The following KRT76 variants were observed in gnomAD, a reference collection of about 807,000 sequenced individuals.
KRT76 encodes keratin, type II cytoskeletal 2 oral.
In KRT76, 47 loss-of-function variants were observed where a neutral mutation model predicts 44.9. That is an observed-to-expected ratio of 1.05 (90% CI 0.83 to 1.33). KRT76 has a LOEUF of 1.33. KRT76 is among the 40% of genes most tolerant of loss of function. The pLI is 0.00. For missense variants in KRT76, 860 were observed against 775.8 expected, an observed-to-expected ratio of 1.11 and a Z score of -1.29; for synonymous variants, 331 against 294.1, an observed-to-expected ratio of 1.13 and a Z score of -1.28.
Position 52,775,453 on chromosome 12 carries a change from C to G in KRT76, c.750G>C (p.Gly250=), listed in dbSNP as rs746062719. The change falls in exon 2 of 9, where the codon GGG becomes GGC. Residue 250 remains glycine (G), a synonymous_variant. Transcript: ENST00000332411. The part of the protein sequence containing the change: ...FLCKQLDSLL[G]ERGNLEGELK... ...GCTCTCCCTCCAGGTTCCCCCTCTCCCCTAGAAGTGAATCTAGCTGCTTGC... is the reference window on the plus strand; with the variant it reads ...GCTCTCCCTCCAGGTTCCCCCTCTCGCCTAGAAGTGAATCTAGCTGCTTGC... 6.2e-7 allele frequency: 1 copy of G among 1,614,198 alleles called. No homozygotes were observed. The highest frequency in any genetic ancestry group is 8.5e-7 in the Non-Finnish European group (1 of 1,180,028).
In KRT76 at chr12:52,771,004, C is replaced by G; in HGVS notation, c.1479G>C (p.Glu493Asp). 1 of 1,614,152 alleles carries G rather than the reference C, an allele frequency of 6.2e-7. No homozygotes were observed. The highest frequency in any genetic ancestry group is 1.1e-5 in the South Asian group (1 of 91,066). The change falls in exon 7 of 9, where the codon GAG becomes GAC. Residue 493 changes from glutamate to aspartate, a missense_variant. Coordinates refer to ENST00000332411, the MANE Select transcript of KRT76 (RefSeq NM_015848.4). ...GTGATCCCATGGCCCCTCACCTGCA[C>G]TCCTCTCCCTCCAGCAGCTTGCGGT... is the stretch of plus-strand genomic sequence containing the variant. The part of the protein sequence containing the change: ...ATYRKLLEGE[E>D]CRMSGECQSA...
At chr12:52,770,341 T>C (rs541118148) in intron 7 of KRT76, among the ~76,000 whole-genome samples, 1 of 152,356 alleles carries the variant, frequency 6.6e-6, no homozygotes, top group East Asian at 1.9e-4. Flanking sequence ...GAGCACATGA[T>C]GCATTGGGCA....
chr12:52,772,615 G>T (rs1431570533), intron 4 of KRT76, among the ~76,000 whole-genome samples, 168 bp downstream of exon 4: 1 of 152,216 alleles, frequency 6.6e-6, no homozygotes, highest in Non-Finnish European at 1.5e-5. Flanking sequence ...TGTGGGCCAG[G>T]TCTATGCAGA....
rs1391355844 is a variant in KRT76, at chr12:52,769,576, C to T, written c.1492G>A (p.Gly498Arg). The T allele has an allele frequency of 6.2e-7, 1 of 1,613,816 alleles. No individual in the cohort carries two copies. The highest frequency in any genetic ancestry group is 1.3e-5 in the African/African-American group (1 of 75,040). Residue 498 changes from glycine (G) to arginine (R), a missense_variant, in exon 8 of 9, where the codon GGA (glycine) becomes AGA (arginine). Physicochemically the swap from Gly to Arg is moderately radical, Grantham distance 125 (BLOSUM62 -2). Coordinates refer to ENST00000332411, the MANE Select transcript of KRT76 (RefSeq NM_015848.4). ...ATGCACACGGCACTCTGACATTCTC[C>T]AGACATCCTGAAAAGGAAGAGGAGA... ...LLEGEECRMSGECQSAVCISV... is the reference protein window; with the variant it reads ...LLEGEECRMSRECQSAVCISV...
Position 52,771,512 on chromosome 12 carries a change from C to G in KRT76, c.1264-293G>C, listed in dbSNP as rs558388528. Among the ~76,000 whole-genome samples, 36 of 152,288 alleles carry G rather than the reference C, an allele frequency of 2.4e-4. No individual in the cohort carries two copies. The South Asian group carries it at 7.5e-3, about 32-fold the overall frequency. On this transcript the variant is annotated intron_variant, in intron 6 of 8. Transcript: ENST00000332411. ...TTTTTGCAAGACTGTTAAAAACTCTCTTGCCTAATCACTTCATTCCAATGA... is the reference window on the plus strand; with the variant it reads ...TTTTTGCAAGACTGTTAAAAACTCTGTTGCCTAATCACTTCATTCCAATGA...
At chr12:52,770,938 C>T (rs1939169411) in intron 7 of KRT76, 61 bp downstream of exon 7, 6 of 1,605,564 alleles carry the variant, frequency 3.7e-6, no homozygotes. Context: ...GCCCCCTTTC[C>T]ACATTATCAA....
intron 6 of KRT76, 55 bp from the exon 7 acceptor site, chr12:52,771,274 C>A: frequency 2.0e-6 from 3 of 1,528,320 alleles, no homozygotes; most frequent in Non-Finnish European, 2.7e-6. Flanking sequence ...TTGATCCTTA[C>A]TAGGAGTAGA....
chr12:52,776,766 T>C lies in KRT76; in HGVS notation c.526A>G (p.Ile176Val). 1.9e-6 allele frequency: 3 copies of C among 1,614,004 alleles called. No individual in the cohort carries two copies. The highest frequency in any genetic ancestry group is 2.5e-6 in the Non-Finnish European group (3 of 1,180,006). Residue 176 changes from isoleucine (I) to valine (V), a missense_variant, in exon 1 of 9, where the codon ATT (isoleucine) becomes GTT (valine). Physicochemically the swap from Ile to Val is conservative, Grantham distance 29. Coordinates refer to ENST00000332411, the MANE Select transcript of KRT76 (RefSeq NM_015848.4). Reference protein sequence around the residue: ...QPLNVEIDPQIGQVKAQEREQ... With the variant: ...QPLNVEIDPQVGQVKAQEREQ... ...CGCTCCTGGGCCTTTACTTGCCCAA[T>C]CTGGGGGTCGATCTCCACATTGAGG...
chr12:52,770,533 C>T (rs1053447660), intron 7 of KRT76, among the ~76,000 whole-genome samples: 15 of 152,080 alleles, frequency 9.9e-5, no homozygotes, highest in Non-Finnish European at 1.6e-4. Context: ...ATTGAGCTTT[C>T]CAGTATGGTA....
chr12:52,769,583 C>T lies in KRT76; in HGVS notation c.1485G>A (p.Arg495=). The stretch of plus-strand genomic sequence containing the variant: ...CGGCACTCTGACATTCTCCAGACAT[C>T]CTGAAAAGGAAGAGGAGAGGTGAAT... ...YRKLLEGEEC[R]MSGECQSAVC... Residue 495 remains arginine (R), a splice_region_variant and synonymous_variant, in exon 8 of 9, where the codon AGG becomes AGA. Coordinates refer to ENST00000332411, the MANE Select transcript of KRT76 (RefSeq NM_015848.4). 1 of 1,613,646 alleles carries T rather than the reference C, an allele frequency of 6.2e-7. No homozygotes were observed. The highest frequency in any genetic ancestry group is 8.5e-7 in the Non-Finnish European group (1 of 1,179,542).
Position 52,772,174 on chromosome 12 carries a change from T to C in KRT76, c.1057A>G (p.Ile353Val). 1 of 1,613,798 alleles carries C rather than the reference T, an allele frequency of 6.2e-7. No homozygotes were observed. ...DNNRCLDLGS[I>V]IAEVRAQYEE... Reference sequence around the variant, plus strand: ...TACTGGGCGCGGACCTCGGCAATGATGCTGCCCAGGTCCAGGCAGCGGTTG... The same window carrying C: ...TACTGGGCGCGGACCTCGGCAATGACGCTGCCCAGGTCCAGGCAGCGGTTG... The change falls in exon 5 of 9, where the codon ATC (isoleucine) becomes GTC (valine). Residue 353 changes from isoleucine (I) to valine (V), a missense_variant. Physicochemically the swap from Ile to Val is conservative, Grantham distance 29 (BLOSUM62 3). Coordinates refer to ENST00000332411, the MANE Select transcript of KRT76 (RefSeq NM_015848.4).
intron 6 of KRT76, 73 bp from the exon 7 acceptor site, chr12:52,771,292 C>T: frequency 1.4e-6 from 2 of 1,379,952 alleles, no homozygotes; most frequent in Non-Finnish European, 1.0e-6. Context: ...AGATCTCTTC[C>T]CCCACATCCT....
At chr12:52,772,398 C>T in intron 4 of KRT76, 140 bp from the exon 5 acceptor site, 1 of 762,370 alleles carries the variant, frequency 1.3e-6, no homozygotes, top group South Asian at 2.2e-5. Context: ...GGCCTGGCTA[C>T]AGCCTAAAGG....
At position 52,772,852 on chromosome 12, in the gene KRT76, C is replaced by G. The variant is rs1939207288; in HGVS notation, c.903G>C (p.Lys301Asn). 1.2e-6 allele frequency: 2 copies of G among 1,613,998 alleles called. No individual in the cohort carries two copies. Among genetic ancestry groups the G allele is most frequent in the Admixed American group, 1.7e-5 (1 of 60,004 alleles). The change falls in exon 4 of 9, where the codon AAG becomes AAC. Residue 301 changes from lysine (K) to asparagine (N), a missense_variant. Lys to Asn is a moderately conservative substitution (Grantham distance 94, BLOSUM62 0). Transcript: ENST00000332411. ...KKDVDAAFMN[K>N]VELQAKVDSL... ...TGTCCACTTTGGCCTGCAGCTCCAC[C>G]TTGTTCATGAAAGCCGCATCCACAT...
Position 52,768,437 on chromosome 12 carries a change from G to T in KRT76, c.*276C>A. The T allele has an allele frequency of 2.5e-6, 1 of 406,244 alleles. No individual in the cohort carries two copies. Among genetic ancestry groups the T allele is most frequent in the Non-Finnish European group, 4.5e-6 (1 of 224,092 alleles). 25.2% of individuals were successfully genotyped at this position (406,244 alleles called of 1,614,324 possible). A position where few individuals can be genotyped will look rare whatever the true frequency, so the allele number is the denominator to read the frequency against. On this transcript the variant is annotated 3_prime_UTR_variant, in exon 9 of 9. Transcript: ENST00000332411. ...GAGTGGGAACAGGCCAGGCTGTGAA[G>T]GCCAAAACTGGCTTGGGCTCAGGGG...
chr12:52,774,776 G>T (rs1233916769), intron 2 of KRT76, among the ~76,000 whole-genome samples: 1 of 151,918 alleles, frequency 6.6e-6, no homozygotes, highest in Non-Finnish European at 1.5e-5. Flanking sequence ...CGTCCCTGTG[G>T]GTTCTGATCC....
At chr12:52,769,448 T>C (rs1939145440) in intron 8 of KRT76, 101 bp downstream of exon 8, 3 of 1,021,902 alleles carry the variant, frequency 2.9e-6, no homozygotes, top group Non-Finnish European at 4.7e-6. Flanking sequence ...CCTGACTTCC[T>C]TGGATGGAAC....
At chr12:52,769,498 T>C in intron 8 of KRT76, 51 bp downstream of exon 8, 1 of 1,527,404 alleles carries the variant, frequency 6.5e-7, no homozygotes, top group South Asian at 1.1e-5. Flanking sequence ...AGGTTGTTTC[T>C]AGCTGCCCTT....
chr12:52,770,200 C>A (rs192799544), intron 7 of KRT76, among the ~76,000 whole-genome samples: 1 of 152,264 alleles, frequency 6.6e-6, no homozygotes, highest in Admixed American at 6.5e-5. Flanking sequence ...TGGTGTTGAC[C>A]ATTCCCTCCT....
Sources: gnomAD v4.1 joint callset for allele counts (sites outside exome capture counted in the v4.1 genomes callset) on GRCh38, gnomAD v4.1.1 for gene constraint, MANE v1.5 for transcripts, NCBI Gene and HGNC (gene_info 2026-07-23, HGNC 2026-07-21) for gene names.